Variants in PPFIA2 observed in about 807,000 individuals in gnomAD.
The protein encoded by PPFIA2 is PPFI scaffold protein A2.
A neutral mutation model predicts 175.5 loss-of-function variants in PPFIA2; 46 were observed. That is an observed-to-expected ratio of 0.26 (90% CI 0.21 to 0.34). The LOEUF is 0.34. Ranked by LOEUF, PPFIA2 falls within the 10% of genes least tolerant of loss-of-function variation. The pLI is 1.00. For missense variants in PPFIA2, 1,179 were observed against 1,506.1 expected (o/e 0.78, Z 3.60); for synonymous variants, 568 against 511.4 (o/e 1.11, Z -1.49).
chr12:81,362,218 T>C (rs954792203), intron 15 of PPFIA2, among the ~76,000 whole-genome samples: 8 of 150,748 alleles, frequency 5.3e-5, no homozygotes, highest in African/African-American at 1.7e-4. Context: ...TTTACCGAAA[T>C]AGGTAGATGC....
At chr12:81,359,243 G>A (rs756940239) in intron 15 of PPFIA2, among the ~76,000 whole-genome samples, 5 of 151,828 alleles carry the variant, frequency 3.3e-5, no homozygotes, top group Non-Finnish European at 5.9e-5. Flanking sequence ...CCAAATATCT[G>A]GTAACATTAA....
chr12:81,570,807 AAC>A (rs2072394834), intron 4 of PPFIA2, among the ~76,000 whole-genome samples: 1 of 151,444 alleles, frequency 6.6e-6, no homozygotes, highest in Non-Finnish European at 1.5e-5. Flanking sequence ...GGATTATAAA[AAC>A]AGTTTCACCA....
chr12:81,533,837 C>A (rs2064999909), intron 4 of PPFIA2, among the ~76,000 whole-genome samples: 1 of 150,256 alleles, frequency 6.7e-6, no homozygotes, highest in Admixed American at 6.7e-5. Flanking sequence ...TATATATTTC[C>A]TGAAGTCACT....
intron 31 of PPFIA2, among the ~76,000 whole-genome samples, 188 bp downstream of exon 31, chr12:81,263,043 A>G (rs763043676): frequency 8.1e-4 from 123 of 152,222 alleles, no homozygotes; most frequent in Non-Finnish European, 2.4e-4. Flanking sequence ...TGAAAATGTG[A>G]ATAAAGTGCC....
chr12:81,597,244 A>T (rs1845523082), intron 4 of PPFIA2, among the ~76,000 whole-genome samples: 1 of 152,114 alleles, frequency 6.6e-6, no homozygotes, highest in South Asian at 2.1e-4. Flanking sequence ...ATAGAATCTG[A>T]TCTAGTTTAG....
At chr12:81,497,530 C>CTTTTTTT (rs34030284) in intron 4 of PPFIA2, among the ~76,000 whole-genome samples, 20 of 66,204 alleles carry the variant, frequency 3.0e-4, no homozygotes, top group African/African-American at 1.1e-3. Flanking sequence ...TCATTGATGT[C>CTTTTTTT]TTTTTTTTTT....
chr12:81,404,980 T>TA (rs1314424268), intron 8 of PPFIA2, among the ~76,000 whole-genome samples: 2 of 152,216 alleles, frequency 1.3e-5, no homozygotes, highest in African/African-American at 4.8e-5. Flanking sequence ...TATAACTTGT[T>TA]ACAGGCAAAT....
At chr12:81,542,825 C>G (rs762095577) in intron 4 of PPFIA2, among the ~76,000 whole-genome samples, 16 of 152,096 alleles carry the variant, frequency 1.1e-4, no homozygotes, top group Non-Finnish European at 2.2e-4. Context: ...ATAGTTTCCT[C>G]ATCTCCCAGG....
At chr12:81,565,787 T>C (rs1163833567) in intron 4 of PPFIA2, among the ~76,000 whole-genome samples, 2 of 152,200 alleles carry the variant, frequency 1.3e-5, no homozygotes, top group African/African-American at 4.8e-5. Flanking sequence ...TAGAAACAGC[T>C]TTCATATCTT....
At chr12:81,709,715 C>A (rs901422413) in intron 3 of PPFIA2, among the ~76,000 whole-genome samples, 3 of 152,070 alleles carry the variant, frequency 2.0e-5, no homozygotes, top group South Asian at 2.1e-4. Context: ...TTTCAGTACA[C>A]TAGATTATCA....
At chr12:81,294,425 G>A (rs935443463) in intron 24 of PPFIA2, among the ~76,000 whole-genome samples, 1 of 146,076 alleles carries the variant, frequency 6.8e-6, no homozygotes, top group African/African-American at 2.5e-5. Context: ...AGGGAAGGAA[G>A]GAAGGAAGGT....
chr12:81,532,330 G>GA (rs2064696958), intron 4 of PPFIA2, among the ~76,000 whole-genome samples: 2 of 151,460 alleles, frequency 1.3e-5, no homozygotes, highest in South Asian at 4.1e-4. Context: ...AGAGCAGAGA[G>GA]AAAAAAAGAA....
At chr12:81,361,745 T>TA (rs1227122912) in intron 15 of PPFIA2, among the ~76,000 whole-genome samples, 3 of 151,540 alleles carry the variant, frequency 2.0e-5, no homozygotes, top group African/African-American at 4.8e-5. Flanking sequence ...TCAAAACAAA[T>TA]ACAAACCCAT....
intron 22 of PPFIA2, among the ~76,000 whole-genome samples, chr12:81,319,097 C>T (rs1469956243): frequency 6.6e-6 from 1 of 151,456 alleles, no homozygotes; most frequent in African/African-American, 2.4e-5. Flanking sequence ...CTTTCCAGAT[C>T]AAAAATGTTT....
chr12:81,267,046 A>ACATT, intron 29 of PPFIA2, 26 bp from the exon 30 acceptor site: 1 of 1,472,454 alleles, frequency 6.8e-7, no homozygotes, highest in South Asian at 1.1e-5. Context: ...TACAGTTACC[A>ACATT]TCACCGAAAT....
At chr12:81,278,516 G>A (rs978379615) in intron 27 of PPFIA2, among the ~76,000 whole-genome samples, 1 of 145,094 alleles carries the variant, frequency 6.9e-6, no homozygotes, top group African/African-American at 2.6e-5. Flanking sequence ...CTCCACCCTG[G>A]GCAACAGAGT....
intron 5 of PPFIA2, 54 bp from the exon 6 acceptor site, chr12:81,445,774 T>C: frequency 2.0e-6 from 3 of 1,504,786 alleles, no homozygotes; most frequent in East Asian, 2.3e-5. Flanking sequence ...TCATAAATAC[T>C]TACAAATGAC....
chr12:81,737,698 G>C (rs1473095782), intron 3 of PPFIA2, among the ~76,000 whole-genome samples: 1 of 151,882 alleles, frequency 6.6e-6, no homozygotes, highest in Non-Finnish European at 1.5e-5. Flanking sequence ...AAATGGAAAA[G>C]AATGTTTAAA....
chr12:81,381,215 A>G (rs887237265), intron 9 of PPFIA2, among the ~76,000 whole-genome samples: 20 of 152,242 alleles, frequency 1.3e-4, no homozygotes, highest in Non-Finnish European at 2.5e-4. Flanking sequence ...CTTCTAAAAT[A>G]TATACATAGA....
Sources: gnomAD v4.1 joint callset for allele counts (sites outside exome capture counted in the v4.1 genomes callset) on GRCh38, gnomAD v4.1.1 for gene constraint, MANE v1.5 for transcripts, NCBI Gene and HGNC (gene_info 2026-07-23, HGNC 2026-07-21) for gene names.